ADAMTS16: variants seen among roughly 807,000 people sequenced by gnomAD.
ADAMTS16 encodes ADAM metallopeptidase with thrombospondin type 1 motif 16.
In ADAMTS16, 94 loss-of-function variants were observed where a neutral mutation model predicts 145.8. The ratio of observed to expected loss-of-function variants is 0.64; its 90% CI spans 0.55 to 0.77. The LOEUF (loss-of-function observed/expected upper bound fraction) is 0.77, where lower values mean the gene tolerates loss of function less well. Among genes scored for constraint, ADAMTS16 ranks in the 30% least tolerant of loss-of-function variants. The probability of loss-of-function intolerance (pLI) is 0.00; values close to 1 mark genes in which losing one functional copy is unlikely to be tolerated. For missense variants in ADAMTS16, 1,585 were observed against 1,591.5 expected (o/e 1.00, Z 0.07); for synonymous variants, 659 against 604.3 (o/e 1.09, Z -1.33).
At chr5:5,168,578 ATATAT>A (rs1160467995) in intron 3 of ADAMTS16, among the ~76,000 whole-genome samples, 2 of 94,842 alleles carry the variant, frequency 2.1e-5, no homozygotes, top group African/African-American at 4.2e-5. Flanking sequence ...ATATTATTAT[ATATAT>A]TATATTATAT....
chr5:5,153,715 T>C (rs1009414098), intron 3 of ADAMTS16, among the ~76,000 whole-genome samples: 2 of 152,222 alleles, frequency 1.3e-5, no homozygotes, highest in Non-Finnish European at 2.9e-5. Context: ...TAGGATTTTC[T>C]GAAAGTTCTG....
intron 3 of ADAMTS16, among the ~76,000 whole-genome samples, chr5:5,157,950 G>A (rs814774): frequency 1 from 151,756 of 152,330 alleles, 75,610 homozygotes; most frequent in Middle Eastern, 1. Context: ...GAAATTCCCC[G>A]TCCCCTCAGG....
At chr5:5,203,004 A>G (rs889642113) in intron 9 of ADAMTS16, among the ~76,000 whole-genome samples, 1 of 152,202 alleles carries the variant, frequency 6.6e-6, no homozygotes, top group Non-Finnish European at 1.5e-5. Context: ...TTTTCTTTCT[A>G]TGATACTGGA....
At chr5:5,159,728 G>C (rs904705004) in intron 3 of ADAMTS16, among the ~76,000 whole-genome samples, 2 of 152,182 alleles carry the variant, frequency 1.3e-5, no homozygotes, top group African/African-American at 4.8e-5. Flanking sequence ...ATGATAAAAA[G>C]ACATATCATT....
At chr5:5,239,587 T>G in intron 15 of ADAMTS16, 94 bp from the exon 16 acceptor site, 1 of 1,529,478 alleles carries the variant, frequency 6.5e-7, no homozygotes, top group Non-Finnish European at 8.9e-7. Flanking sequence ...ATGTGGATTC[T>G]CAGGTTTTGT....
At position 5,140,556 on chromosome 5, in the gene ADAMTS16, C is replaced by A; in HGVS notation, c.72+17C>A. The A allele has an allele frequency of 6.7e-7, 1 of 1,501,744 alleles. No homozygotes were observed. The highest frequency in any genetic ancestry group is 8.8e-7 in the Non-Finnish European group (1 of 1,133,440). The allele number at this position is 1,501,744 out of a possible 1,614,324, so 93.0% of individuals were successfully genotyped here. A position where few individuals can be genotyped will look rare whatever the true frequency, so the allele number is the denominator to read the frequency against. The stretch of plus-strand genomic sequence containing the variant: ...GCCGAGCAGGTGAGTCCCGGGCGCT[C>A]CCACCAGCGCGGAAACCGCGGGTCC... On this transcript the variant is annotated intron_variant, in intron 1 of 22. Transcript: ENST00000274181.
intron 3 of ADAMTS16, among the ~76,000 whole-genome samples, chr5:5,147,411 C>T (rs1437963315): frequency 1.3e-5 from 2 of 152,152 alleles, no homozygotes; most frequent in African/African-American, 4.8e-5. Flanking sequence ...GGAATTCAGA[C>T]CCCACATCTC....
In ADAMTS16 at chr5:5,306,519, G is replaced by A. The variant is rs1344462480; in HGVS notation, c.3202G>A (p.Glu1068Lys). Residue 1068 changes from glutamate to lysine, a missense_variant, in exon 21 of 23, where the codon GAA becomes AAA. By Grantham distance (56) the Glu-to-Lys change is moderately conservative. Coordinates refer to ENST00000274181, the MANE Select transcript of ADAMTS16 (RefSeq NM_139056.4). Reference protein sequence around the residue: ...SAWSQCSVTCERGTQKRFLKC... With the variant: ...SAWSQCSVTCKRGTQKRFLKC... The stretch of plus-strand genomic sequence containing the variant: ...TTCTTTTTAGTGCTCTGTGACATGT[G>A]AAAGAGGAACACAGAAAAGATTCTT... 1 of 1,613,316 alleles carries A rather than the reference G, an allele frequency of 6.2e-7. No individual in the cohort carries two copies. Among genetic ancestry groups the A allele is most frequent in the South Asian group, 1.1e-5 (1 of 91,038 alleles).
At chr5:5,192,335 G>T (rs1340214609) in intron 8 of ADAMTS16, among the ~76,000 whole-genome samples, 33 of 152,134 alleles carry the variant, frequency 2.2e-4, no homozygotes, top group Admixed American at 2.2e-3. Context: ...TTTGAACGTG[G>T]TCTGGTGGGC....
In ADAMTS16 at chr5:5,146,278, C is replaced by T. The variant is rs373039727; in HGVS notation, c.324C>T (p.Phe108=). 1.6e-5 allele frequency: 26 copies of T among 1,614,092 alleles called. No individual in the cohort carries two copies. The highest frequency in any genetic ancestry group is 2.1e-5 in the Non-Finnish European group (25 of 1,180,056). ...HLRLKGSRHD[F]HMDLRTSSSL... ...GGCTGAAAGGCTCCAGGCACGACTT[C>T]CACATGGATCTGAGGACTTCCAGCA... is the stretch of plus-strand genomic sequence containing the variant. The change falls in exon 3 of 23, where the codon TTC becomes TTT. Residue 108 remains phenylalanine, a synonymous_variant. Transcript: ENST00000274181.
At chr5:5,239,035 A>T (rs1224815266) in intron 14 of ADAMTS16, 116 bp from the exon 15 acceptor site, 1 of 1,159,678 alleles carries the variant, frequency 8.6e-7, no homozygotes, top group Non-Finnish European at 1.2e-6. Flanking sequence ...TAACTACCCT[A>T]TGTTGGTGAA....
intron 18 of ADAMTS16, among the ~76,000 whole-genome samples, chr5:5,273,733 C>T (rs148674240): frequency 1.5e-4 from 23 of 152,310 alleles, no homozygotes; most frequent in Middle Eastern, 6.8e-3. Context: ...TGTATTTAAG[C>T]AGGTACAGAC....
intron 2 of ADAMTS16, 56 bp downstream of exon 2, chr5:5,140,822 C>T: frequency 1.4e-6 from 2 of 1,465,922 alleles, no homozygotes; most frequent in Non-Finnish European, 1.8e-6. Flanking sequence ...TCGTAATCTC[C>T]GTGCCGCTGG....
intron 10 of ADAMTS16, among the ~76,000 whole-genome samples, chr5:5,219,144 C>T (rs990982929): frequency 6.6e-6 from 1 of 152,014 alleles, no homozygotes; most frequent in Non-Finnish European, 1.5e-5. Flanking sequence ...CTCCCTGCCC[C>T]CTCCCATATC....
chr5:5,306,305 C>T (rs1268662136), intron 20 of ADAMTS16, among the ~76,000 whole-genome samples, 199 bp from the exon 21 acceptor site: 3 of 152,186 alleles, frequency 2.0e-5, no homozygotes, highest in African/African-American at 7.2e-5. Context: ...CCCCATGATG[C>T]TGTGCCACTG....
intron 18 of ADAMTS16, among the ~76,000 whole-genome samples, chr5:5,293,787 A>G (rs777148854): frequency 3.3e-5 from 5 of 152,246 alleles, no homozygotes; most frequent in Non-Finnish European, 7.3e-5. Flanking sequence ...TTAGTTAGGT[A>G]CTTGGTGTGA....
At chr5:5,251,951 C>T (rs961114571) in intron 17 of ADAMTS16, among the ~76,000 whole-genome samples, 3 of 152,104 alleles carry the variant, frequency 2.0e-5, no homozygotes, top group Non-Finnish European at 4.4e-5. Context: ...CCCGGGTTCC[C>T]GCCATTCTCC....
At chr5:5,179,723 C>T (rs1477179039) in intron 3 of ADAMTS16, among the ~76,000 whole-genome samples, 2 of 152,230 alleles carry the variant, frequency 1.3e-5, no homozygotes, top group Non-Finnish European at 2.9e-5. Context: ...TCTGCCCTCT[C>T]CCTCAATCCT....
intron 11 of ADAMTS16, among the ~76,000 whole-genome samples, chr5:5,229,207 A>T (rs1736853275): frequency 6.7e-6 from 1 of 149,776 alleles, no homozygotes; most frequent in Non-Finnish European, 1.5e-5. Context: ...CTGAGGCAGG[A>T]GAATGGCATG....
Sources: gnomAD v4.1 joint callset for allele counts (sites outside exome capture counted in the v4.1 genomes callset) on GRCh38, gnomAD v4.1.1 for gene constraint, MANE v1.5 for transcripts, NCBI Gene and HGNC (gene_info 2026-07-23, HGNC 2026-07-21) for gene names.